The following WT1 variants were observed in gnomAD, a reference collection of about 807,000 sequenced individuals.
WT1 encodes WT1 transcription factor.
A neutral mutation model predicts 60.8 loss-of-function variants in WT1; 8 were observed. The ratio of observed to expected loss-of-function variants is 0.13; its 90% confidence interval spans 0.08 to 0.24. The LOEUF (loss-of-function observed/expected upper bound fraction) is 0.24, where lower values mean the gene tolerates loss of function less well. Among genes scored for constraint, WT1 ranks in the 10% least tolerant of loss-of-function variants. The pLI is 1.00. For synonymous variants in WT1, 312 were observed against 297.1 expected (o/e 1.05, Z -0.52); for missense variants, 568 against 711.8 (o/e 0.80, Z 2.30).
At chr11:32,405,261 A>G (rs898133928) in intron 5 of WT1, among the ~76,000 whole-genome samples, 1 of 152,114 alleles carries the variant, frequency 6.6e-6, no homozygotes, top group Non-Finnish European at 1.5e-5. Flanking sequence ...AACAATGTGA[A>G]CCCAGCATTG....
chr11:32,418,257 A>T (rs1260043846), intron 3 of WT1, among the ~76,000 whole-genome samples: 1 of 151,368 alleles, frequency 6.6e-6, no homozygotes, highest in Non-Finnish European at 1.5e-5. Context: ...AAAAAAAAAA[A>T]AAGAGCCCAG....
At chr11:32,434,666 C>T in intron 1 of WT1, 34 bp downstream of exon 1, 13 of 1,612,236 alleles carry the variant, frequency 8.1e-6, no homozygotes, top group Non-Finnish European at 1.1e-5. Context: ...GCGCCACTGC[C>T]CCGCGCGTAG....
At chr11:32,395,918 T>C (rs1301744323) in intron 7 of WT1, among the ~76,000 whole-genome samples, 1 of 152,214 alleles carries the variant, frequency 6.6e-6, no homozygotes, top group Admixed American at 6.5e-5. Context: ...TAAAACCATC[T>C]GATGACTATA....
At chr11:32,389,730 GTGT>G (rs1436418341) in intron 9 of WT1, among the ~76,000 whole-genome samples, 1 of 151,778 alleles carries the variant, frequency 6.6e-6, no homozygotes, top group African/African-American at 2.4e-5. Context: ...TACATGTTAT[GTGT>G]TGTTTTTTTT....
intron 1 of WT1, 196 bp from the exon 2 acceptor site, chr11:32,428,815 A>C: frequency 1.3e-6 from 1 of 782,200 alleles, no homozygotes; most frequent in Non-Finnish European, 2.1e-6. Context: ...TGACCTTGGG[A>C]CAGGCTTCTC....
rs774976881 is a variant in WT1 at position 32,396,311 on chromosome 11, T to G, written c.1210A>C (p.Asn404His). ...TGGGACAGCTTAAAATATCTCTTAT[T>G]GCAGCCTGGGTAAGCACACATGAAG... The change falls in exon 7 of 10, where the codon AAT becomes CAT. Residue 404 changes from asparagine (N) to histidine (H), a missense_variant. Asn to His is a moderately conservative substitution (Grantham distance 68). This residue lies in a region of WT1 where 523 missense variants were observed against 565.1 expected (regional missense o/e 0.93). Transcript: ENST00000452863. 4.3e-6 allele frequency: 7 copies of G among 1,614,078 alleles called. No homozygotes were observed. Among genetic ancestry groups the G allele is most frequent in the Non-Finnish European group, 5.9e-6 (7 of 1,180,052 alleles).
At chr11:32,409,710 T>C (rs1004424031) in intron 5 of WT1, among the ~76,000 whole-genome samples, 5 of 152,008 alleles carry the variant, frequency 3.3e-5, no homozygotes, top group African/African-American at 1.2e-4. Flanking sequence ...CTTTCCAAAG[T>C]GCTGAGATTA....
At chr11:32,406,241 G>A (rs141287522) in intron 5 of WT1, among the ~76,000 whole-genome samples, 1 of 152,088 alleles carries the variant, frequency 6.6e-6, no homozygotes. Context: ...GTGGAGGTGG[G>A]GGTGGTTTTG....
intron 3 of WT1, among the ~76,000 whole-genome samples, chr11:32,419,603 C>T (rs1462698753): frequency 7.2e-5 from 11 of 152,192 alleles, no homozygotes; most frequent in Admixed American, 7.2e-4. Flanking sequence ...TCCCAAATAT[C>T]TAACTTTATG....
intron 7 of WT1, 105 bp downstream of exon 7, chr11:32,396,152 C>G: frequency 2.0e-6 from 3 of 1,534,196 alleles, no homozygotes; most frequent in Non-Finnish European, 2.7e-6. Context: ...CAAAGCAGTG[C>G]TTACTTTCCA....
At chr11:32,434,650 TC>T (rs747929692) in intron 1 of WT1, 49 bp downstream of exon 1, 1 of 1,610,618 alleles carries the variant, frequency 6.2e-7, no homozygotes, top group Non-Finnish European at 8.5e-7. Flanking sequence ...GAGCGGAGAG[TC>T]CCTGGCGCCA....
chr11:32,399,748 C>T (rs1350538915), intron 6 of WT1, among the ~76,000 whole-genome samples, 200 bp downstream of exon 6: 1 of 152,234 alleles, frequency 6.6e-6, no homozygotes, highest in African/African-American at 2.4e-5. Flanking sequence ...CAGCGTCAGG[C>T]AGCGGGGCAG....
intron 7 of WT1, among the ~76,000 whole-genome samples, chr11:32,392,992 T>G (rs1245489450): frequency 6.8e-6 from 1 of 146,696 alleles, no homozygotes; most frequent in Non-Finnish European, 1.5e-5. Flanking sequence ...AAAAAAGCCC[T>G]GGGTGAGGTG....
intron 5 of WT1, among the ~76,000 whole-genome samples, chr11:32,409,747 A>G (rs1490766209): frequency 6.6e-6 from 1 of 151,982 alleles, no homozygotes; most frequent in Non-Finnish European, 1.5e-5. Flanking sequence ...AGCCTGGCAG[A>G]AAGAACTCTT....
intron 5 of WT1, among the ~76,000 whole-genome samples, chr11:32,408,320 C>T (rs1288080109): frequency 6.6e-6 from 1 of 151,744 alleles, no homozygotes; most frequent in African/African-American, 2.4e-5. Context: ...CAGGACCATC[C>T]TGGCTAACAT....
chr11:32,430,451 G>GGGTAGAGA lies in WT1; in HGVS notation c.662-1833_662-1832insTCTCTACC, dbSNP rs1366922803. Reference sequence around the variant, plus strand: ...CAGACACAGAGAGAGAGAGAGAGAGGGAGGGAGAGAGAGAGAGAGAGAGAG... The same window carrying GGGTAGAGA: ...CAGACACAGAGAGAGAGAGAGAGAGGGGTAGAGAGAGGGAGAGAGAGAGAGAGAGAGAG... On this transcript the variant is annotated intron_variant, in intron 1 of 9. Coordinates refer to ENST00000452863, the MANE Select transcript of WT1 (RefSeq NM_024426.6). The GGGTAGAGA allele has an allele frequency of 1.5e-4, 141 of 923,766 alleles. 1 individual carries two copies. In the African/African-American group the frequency reaches 3.7e-3, roughly 24 times the overall value. The allele number at this position is 923,766 out of a possible 1,614,324, so 57.2% of individuals were successfully genotyped here. A position where few individuals can be genotyped will look rare whatever the true frequency, so the allele number is the denominator to read the frequency against.
At chr11:32,432,757 T>C (rs1465309748) in intron 1 of WT1, among the ~76,000 whole-genome samples, 1 of 152,138 alleles carries the variant, frequency 6.6e-6, no homozygotes, top group Non-Finnish European at 1.5e-5. Flanking sequence ...CCCCACGACA[T>C]GTGATAAGAT....
At chr11:32,432,796 G>C (rs1853357281) in intron 1 of WT1, among the ~76,000 whole-genome samples, 1 of 152,216 alleles carries the variant, frequency 6.6e-6, no homozygotes, top group African/African-American at 2.4e-5. Context: ...CCTGAAAAGG[G>C]CTGGACAAGG....
At chr11:32,404,558 G>A (rs749221393) in intron 5 of WT1, among the ~76,000 whole-genome samples, 24 of 152,036 alleles carry the variant, frequency 1.6e-4, no homozygotes, top group Non-Finnish European at 3.2e-4. Context: ...CTGCCACAGA[G>A]ACCACTCTGT....
Sources: allele counts gnomAD v4.1 joint callset (sites outside exome capture counted in the v4.1 genomes callset), GRCh38; gene constraint gnomAD v4.1.1; regional missense constraint gnomAD v4.1.1; transcripts MANE v1.5; gene names NCBI Gene and HGNC (gene_info 2026-07-23, HGNC 2026-07-21).